SLCO3A1: variants seen among roughly 807,000 people sequenced by gnomAD.
SLCO3A1 encodes solute carrier organic anion transporter family member 3A1.
A neutral mutation model predicts 63.1 loss-of-function variants in SLCO3A1; 27 were observed. The ratio of observed to expected loss-of-function variants is 0.43; its 90% CI spans 0.32 to 0.59. The LOEUF (loss-of-function observed/expected upper bound fraction) is 0.59. SLCO3A1 is among the 20% of genes least tolerant of loss of function. The pLI is 0.09. For missense variants in SLCO3A1, 773 were observed against 945.8 expected, an observed-to-expected ratio of 0.82 and a Z score of 2.40; for synonymous variants, 473 against 409.9, an observed-to-expected ratio of 1.15 and a Z score of -1.86.
At chr15:91,879,049 T>A (rs1455595208) in intron 1 of SLCO3A1, among the ~76,000 whole-genome samples, 2 of 152,216 alleles carry the variant, frequency 1.3e-5, no homozygotes, top group Non-Finnish European at 2.9e-5. Flanking sequence ...CAGCCTGTGA[T>A]CTGCACACTT....
intron 1 of SLCO3A1, among the ~76,000 whole-genome samples, chr15:91,913,889 A>G (rs142116586): frequency 2.0e-5 from 3 of 152,078 alleles, no homozygotes; most frequent in Admixed American, 2.0e-4. Flanking sequence ...GTTCATTTCC[A>G]TTGCCAGTGT....
intron 2 of SLCO3A1, 29 bp from the exon 3 acceptor site, chr15:92,094,852 A>G (rs1049434829): frequency 2.1e-6 from 3 of 1,452,656 alleles, no homozygotes; most frequent in Non-Finnish European, 2.9e-6. Context: ...TCTGTTTTGT[A>G]ATCTATTTTT....
rs1185634213 is a variant in SLCO3A1 at position 91,941,672 on chromosome 15, CTT to C, written c.646+25216_646+25217del. On this transcript the variant is annotated intron_variant, in intron 2 of 9. Transcript: ENST00000318445. The surrounding 1 kb of genome is among the most constrained non-coding windows in gnomAD (Gnocchi z 4.4). ...TTTCTTACTCGGGATGTTTGTTTCT[CTT>C]TGTCTTTAAAAAAATTATTTTTCCT... is the stretch of plus-strand genomic sequence containing the variant. 5 of 386,314 alleles carry C rather than the reference CTT, an allele frequency of 1.3e-5. No homozygotes were observed. Among genetic ancestry groups the C allele is most frequent in the African/African-American group, 1.1e-4 (5 of 46,618 alleles). The allele number at this position is 386,314 out of a possible 1,614,324, so 23.9% of individuals were successfully genotyped here.
chr15:91,940,030 G>C lies in SLCO3A1; in HGVS notation c.646+23572G>C, dbSNP rs112911901. On this transcript the variant is annotated intron_variant, in intron 2 of 9. Transcript: ENST00000318445. ...ACCCAGCCCCTACCATTTGCACCGG[G>C]AGCTCTCACCACATGTTCCCATTGG... is the stretch of plus-strand genomic sequence containing the variant. 6.5e-3 allele frequency among the ~76,000 whole-genome samples: 989 copies of C among 152,176 alleles called. 18 individuals are homozygous for C. The highest frequency in any genetic ancestry group is 0.023 in the African/African-American group (945 of 41,516).
intron 1 of SLCO3A1, among the ~76,000 whole-genome samples, chr15:91,879,507 C>G (rs1897497235): frequency 7.1e-6 from 1 of 141,800 alleles, no homozygotes; most frequent in South Asian, 2.9e-4. Flanking sequence ...GGTATACAAC[C>G]GTAGCTACTA....
At chr15:92,102,292 G>A (rs2047614526) in intron 3 of SLCO3A1, among the ~76,000 whole-genome samples, 1 of 152,148 alleles carries the variant, frequency 6.6e-6, no homozygotes, top group Admixed American at 6.5e-5. Context: ...GCATAAAGAT[G>A]CTTTCAAGAT....
intron 4 of SLCO3A1, among the ~76,000 whole-genome samples, chr15:92,112,864 A>C (rs1466820502): frequency 1.3e-5 from 2 of 152,178 alleles, no homozygotes. Flanking sequence ...CGGGTATTTC[A>C]CCCCCACTGT....
intron 2 of SLCO3A1, among the ~76,000 whole-genome samples, chr15:92,036,895 G>GT (rs2046734784): frequency 6.6e-6 from 1 of 152,192 alleles, no homozygotes; most frequent in South Asian, 2.1e-4. Flanking sequence ...TTCTGAAGCT[G>GT]TTTTGGTTAA....
chr15:92,126,921 A>G (rs2047931441), intron 6 of SLCO3A1, among the ~76,000 whole-genome samples: 1 of 152,174 alleles, frequency 6.6e-6, no homozygotes, highest in Non-Finnish European at 1.5e-5. Flanking sequence ...TGGAGCATCG[A>G]GGCTGAAGCA....
chr15:92,016,204 T>TAGATAGATAG (rs1567067728), intron 2 of SLCO3A1, among the ~76,000 whole-genome samples: 46 of 120,206 alleles, frequency 3.8e-4, no homozygotes, highest in South Asian at 8.6e-4. Context: ...TATATATTTA[T>TAGATAGATAG]ATAGATAGAT....
intron 2 of SLCO3A1, among the ~76,000 whole-genome samples, chr15:91,973,531 G>A (rs1900966372): frequency 6.6e-6 from 1 of 152,206 alleles, no homozygotes; most frequent in African/African-American, 2.4e-5. Flanking sequence ...CTAAAATCAT[G>A]GTGCGTTTGA....
chr15:92,157,272 G>C (rs888143410), intron 9 of SLCO3A1: 1 of 152,142 alleles, frequency 6.6e-6, no homozygotes, highest in African/African-American at 2.4e-5. Context: ...AAAAAAGAGA[G>C]AGAACTGCTC....
chr15:91,880,170 C>CATCCATCCATCTATCTATCTATCTATCT (rs1337739872), intron 1 of SLCO3A1, among the ~76,000 whole-genome samples: 18 of 126,248 alleles, frequency 1.4e-4, no homozygotes, highest in African/African-American at 5.0e-4. Context: ...TCCATCCATC[C>CATCCATCCATCTATCTATCTATCTATCT]ATCTATCTAT....
intron 2 of SLCO3A1, among the ~76,000 whole-genome samples, chr15:92,035,468 A>G (rs2046713777): frequency 6.6e-6 from 1 of 151,762 alleles, no homozygotes; most frequent in South Asian, 2.1e-4. Flanking sequence ...AATTCTAAGA[A>G]GACTCTTGGG....
chr15:92,105,435 T>TAAAGC (rs1383721457), intron 4 of SLCO3A1, among the ~76,000 whole-genome samples: 1 of 152,134 alleles, frequency 6.6e-6, no homozygotes, highest in Non-Finnish European at 1.5e-5. Context: ...CTTGCTATCA[T>TAAAGC]TTTTTAAAGA....
chr15:92,107,813 C>T (rs1215739240), intron 4 of SLCO3A1, among the ~76,000 whole-genome samples: 1 of 152,220 alleles, frequency 6.6e-6, no homozygotes, highest in Non-Finnish European at 1.5e-5. Context: ...GGGCTGTCTG[C>T]TTTGAGGCAG....
chr15:91,959,528 G>C (rs888007313), intron 2 of SLCO3A1, among the ~76,000 whole-genome samples: 1 of 151,946 alleles, frequency 6.6e-6, no homozygotes, highest in East Asian at 1.9e-4. Context: ...TCGGGAATTT[G>C]AGACAAGCCT....
In SLCO3A1 at chr15:91,941,326, G is replaced by C. The variant is rs1252145187; in HGVS notation, c.646+24868G>C. 4 of 349,600 alleles carry C rather than the reference G, an allele frequency of 1.1e-5. No individual in the cohort carries two copies. In the East Asian group the frequency reaches 2.3e-4, roughly 20 times the overall value. The allele number at this position is 349,600 out of a possible 1,614,324, so 21.7% of individuals were successfully genotyped here. A position where few individuals can be genotyped will look rare whatever the true frequency, so the allele number is the denominator to read the frequency against. ...GGTGGGAGAGAGACACTGAATCAGT[G>C]CATGAGTGACCAGCTAGGACTGAGC... On this transcript the variant is annotated intron_variant, in intron 2 of 9. Coordinates refer to ENST00000318445, the MANE Select transcript of SLCO3A1 (RefSeq NM_013272.4). This position sits in a 1 kb window ranked among gnomAD's most constrained non-coding sequence, Gnocchi z 4.4.
At chr15:91,971,711 C>T (rs1236007328) in intron 2 of SLCO3A1, among the ~76,000 whole-genome samples, 1 of 152,094 alleles carries the variant, frequency 6.6e-6, no homozygotes, top group Non-Finnish European at 1.5e-5. Context: ...TTTGTTTAAA[C>T]AGAAACACAC....
Sources: gnomAD v4.1 joint callset for allele counts (sites outside exome capture counted in the v4.1 genomes callset) on GRCh38, gnomAD v4.1.1 for gene constraint, Gnocchi (gnomAD v3.1) non-coding constraint, MANE v1.5 for transcripts, NCBI Gene and HGNC (gene_info 2026-07-23, HGNC 2026-07-21) for gene names.